Variants in ICA1L observed in about 807,000 individuals in gnomAD.
The protein encoded by ICA1L is islet cell autoantigen 1-like protein.
A neutral mutation model predicts 61.3 loss-of-function variants in ICA1L; 50 were observed. That is an observed-to-expected ratio of 0.82 (90% CI 0.65 to 1.03). The LOEUF (loss-of-function observed/expected upper bound fraction) is 1.03, where lower values mean the gene tolerates loss of function less well. Among genes scored for constraint, ICA1L ranks in the 50% least tolerant of loss-of-function variants. The probability of loss-of-function intolerance (pLI) is 0.00; values close to 1 mark genes in which losing one functional copy is unlikely to be tolerated. For missense variants in ICA1L, 508 were observed against 556.7 expected (o/e 0.91, Z 0.88); for synonymous variants, 161 against 191.3 (o/e 0.84, Z 1.31).
intron 1 of ICA1L, chr2:202,871,037 C>A (rs1450888780): frequency 6.6e-6 from 1 of 152,232 alleles, no homozygotes; most frequent in Non-Finnish European, 1.5e-5. Flanking sequence ...CTCGCGGGCC[C>A]GTGCATTCTG....
intron 1 of ICA1L, among the ~76,000 whole-genome samples, chr2:202,838,134 G>A (rs1464055683): frequency 6.6e-6 from 1 of 152,154 alleles, no homozygotes; most frequent in Admixed American, 6.5e-5. Context: ...GATTACAGGT[G>A]TAGCCACTGT....
In ICA1L at chr2:202,779,372, T is replaced by C. The variant is rs570511821; in HGVS notation, c.*161A>G. 29 of 497,688 alleles carry C rather than the reference T, an allele frequency of 5.8e-5. No individual in the cohort carries two copies. Among genetic ancestry groups the C allele is most frequent in the African/African-American group, 4.7e-4 (24 of 51,470 alleles). The allele number at this position is 497,688 out of a possible 1,614,324, so 30.8% of individuals were successfully genotyped here. On this transcript the variant is annotated 3_prime_UTR_variant, in exon 13 of 13. Coordinates refer to ENST00000358299, the MANE Select transcript of ICA1L (RefSeq NM_001288622.3). ...CCAAGATATGAAAGATGTGTACTTA[T>C]TCAAATGTGGTCTTTACCATCTGTC...
At chr2:202,839,607 TGTGTG>T (rs1694264846) in intron 1 of ICA1L, among the ~76,000 whole-genome samples, 1 of 142,720 alleles carries the variant, frequency 7.0e-6, no homozygotes, top group African/African-American at 2.5e-5. Flanking sequence ...TGTGTGTGTG[TGTGTG>T]TGTGTGTTTT....
chr2:202,835,813 G>A (rs562818437), intron 1 of ICA1L, among the ~76,000 whole-genome samples: 1 of 151,962 alleles, frequency 6.6e-6, no homozygotes, highest in East Asian at 1.9e-4. Flanking sequence ...GCCTCCCAAC[G>A]TCCTGGGATT....
At chr2:202,820,902 T>C (rs1222969516) in intron 4 of ICA1L, among the ~76,000 whole-genome samples, 2 of 152,186 alleles carry the variant, frequency 1.3e-5, no homozygotes, top group East Asian at 3.8e-4. Flanking sequence ...GTAGGTATCA[T>C]TATATTAGAA....
At chr2:202,808,239 C>G (rs990060682) in intron 9 of ICA1L, among the ~76,000 whole-genome samples, 4 of 152,202 alleles carry the variant, frequency 2.6e-5, no homozygotes, top group Admixed American at 2.0e-4. Context: ...TAAAGGGGAG[C>G]CCACTACCTT....
At chr2:202,785,167 C>T (rs1692540276) in intron 12 of ICA1L, among the ~76,000 whole-genome samples, 2 of 149,650 alleles carry the variant, frequency 1.3e-5, no homozygotes, top group Admixed American at 6.7e-5. Context: ...TGCAGTGAGC[C>T]GAGATTGTAC....
At chr2:202,846,498 A>C (rs1694468309) in intron 1 of ICA1L, among the ~76,000 whole-genome samples, 2 of 151,502 alleles carry the variant, frequency 1.3e-5, no homozygotes, top group South Asian at 4.2e-4. Context: ...GGTTCCCAAG[A>C]CTCCTTTTTG....
Position 202,778,798 on chromosome 2 carries a change from TGGGAAGATAGA to T in ICA1L, c.*724_*734del, listed in dbSNP as rs1692306804. 6.6e-6 allele frequency: 1 copy of T among 152,634 alleles called. No homozygotes were observed. The highest frequency in any genetic ancestry group is 1.5e-5 in the Non-Finnish European group (1 of 68,034). The allele number at this position is 152,634 out of a possible 1,614,324, so 9.5% of individuals were successfully genotyped here. ...ACTGTGCATTCTGAGTTTTAGGAGA[TGGGAAGATAGA>T]TTTTTCTGTTTCTGCAGAGGATGGG... On this transcript the variant is annotated 3_prime_UTR_variant, in exon 13 of 13. Coordinates refer to ENST00000358299, the MANE Select transcript of ICA1L (RefSeq NM_001288622.3).
At chr2:202,810,630 T>C (rs1693348790) in intron 9 of ICA1L, among the ~76,000 whole-genome samples, 1 of 151,440 alleles carries the variant, frequency 6.6e-6, no homozygotes, top group African/African-American at 2.5e-5. Context: ...ATAACAGCAA[T>C]GTCCAGGGAA....
rs180939445 is a variant in ICA1L at position 202,788,900 on chromosome 2, G to A, written c.1173C>T (p.Leu391=). 3.1e-6 allele frequency: 5 copies of A among 1,613,982 alleles called. No individual in the cohort carries two copies. The highest frequency in any genetic ancestry group is 4.5e-5 in the East Asian group (2 of 44,882). The part of the protein sequence containing the change: ...SQEPSMGSEP[L]AHSSRFLPSQ... ...AAGGAAGGAATCGAGAAGAATGAGCGAGGGGCTCAGACCCCATGGAAGGCT... is the reference window on the plus strand; with the variant it reads ...AAGGAAGGAATCGAGAAGAATGAGCAAGGGGCTCAGACCCCATGGAAGGCT... The change falls in exon 11 of 13, where the codon CTC becomes CTT. Residue 391 remains leucine, a synonymous_variant. Transcript: ENST00000358299.
chr2:202,802,342 A>G (rs1693105885), intron 9 of ICA1L, among the ~76,000 whole-genome samples: 1 of 152,122 alleles, frequency 6.6e-6, no homozygotes, highest in African/African-American at 2.4e-5. Context: ...GGTTCACCAT[A>G]AGCTTATTAG....
At chr2:202,781,918 A>G (rs1188901288) in intron 12 of ICA1L, among the ~76,000 whole-genome samples, 1 of 152,170 alleles carries the variant, frequency 6.6e-6, no homozygotes. Flanking sequence ...TGTCACAATT[A>G]GGGATTTTCT....
At chr2:202,795,164 T>C (rs1158403629) in intron 10 of ICA1L, among the ~76,000 whole-genome samples, 1 of 151,252 alleles carries the variant, frequency 6.6e-6, no homozygotes, top group Non-Finnish European at 1.5e-5. Context: ...GTTAATTTTG[T>C]ATATTTAGTA....
chr2:202,790,160 G>GTCTT (rs72117169), intron 10 of ICA1L, among the ~76,000 whole-genome samples: 63,772 of 151,702 alleles, frequency 0.42, 14,256 homozygotes, highest in Middle Eastern at 0.66. Flanking sequence ...GCCAATTGAG[G>GTCTT]TCTTTAAATT....
intron 10 of ICA1L, among the ~76,000 whole-genome samples, chr2:202,792,818 AAAT>A (rs978709870): frequency 3.9e-5 from 6 of 152,112 alleles, no homozygotes; most frequent in East Asian, 1.9e-4. Context: ...AATTAAAAAA[AAAT>A]AATAATAAAC....
Position 202,789,094 on chromosome 2 carries a change from A to C in ICA1L, c.986-7T>G, listed in dbSNP as rs746684951. ...ACAGGTAGATCTTTTGCAACTATTG[A>C]GTGTAAATAAAAACAGAAAGGCTTT... On this transcript the variant is annotated splice_region_variant and splice_polypyrimidine_tract_variant and intron_variant, in intron 10 of 12. Coordinates refer to ENST00000358299, the MANE Select transcript of ICA1L (RefSeq NM_001288622.3). The C allele has an allele frequency of 2.5e-6, 4 of 1,590,466 alleles. No individual in the cohort carries two copies. The highest frequency in any genetic ancestry group is 2.6e-6 in the Non-Finnish European group (3 of 1,172,644).
chr2:202,812,754 C>A (rs972909729), intron 8 of ICA1L, among the ~76,000 whole-genome samples: 2 of 151,860 alleles, frequency 1.3e-5, no homozygotes, highest in Admixed American at 1.3e-4. Context: ...ATATTCATGA[C>A]CTGAAATGAA....
chr2:202,817,333 T>G, intron 6 of ICA1L, 85 bp downstream of exon 6: 1 of 1,271,222 alleles, frequency 7.9e-7, no homozygotes, highest in Non-Finnish European at 1.1e-6. Flanking sequence ...CATACATAAA[T>G]TTTTACACCC....
Sources: gnomAD v4.1 joint callset for allele counts (sites outside exome capture counted in the v4.1 genomes callset) on GRCh38, gnomAD v4.1.1 for gene constraint, MANE v1.5 for transcripts, NCBI Gene and HGNC (gene_info 2026-07-23, HGNC 2026-07-21) for gene names.